SVOPL: variants seen among roughly 807,000 people sequenced by gnomAD.
SVOPL encodes the protein putative transporter SVOPL.
Under a neutral mutation model 61.0 loss-of-function variants are expected in SVOPL, and 60 were observed. The observed-to-expected ratio is 0.98, with a 90% CI of 0.80 to 1.22. The LOEUF is 1.22. Ranked by LOEUF, SVOPL falls within the 50% of genes most tolerant of loss-of-function variation. The pLI, the probability that SVOPL is intolerant of heterozygous loss-of-function variation, is 0.00. For missense variants in SVOPL, 662 were observed against 643.9 expected (o/e 1.03, Z -0.30); for synonymous variants, 279 against 250.0 (o/e 1.12, Z -1.09).
chr7:138,643,996 G>A lies in SVOPL; in HGVS notation c.789+721C>T, dbSNP rs140887250. ...AGGCAGGTGGATCACGAGGTCAAGAGATCAAGACCATCCTGGCCAACATGG... is the reference window on the plus strand; with the variant it reads ...AGGCAGGTGGATCACGAGGTCAAGAAATCAAGACCATCCTGGCCAACATGG... On this transcript the variant is annotated intron_variant, in intron 9 of 15. Transcript: ENST00000674285. Among the ~76,000 whole-genome samples the A allele has an allele frequency of 9.9e-3, 1,509 of 152,002 alleles. 24 individuals carry two copies. The highest frequency in any genetic ancestry group is 0.035 in the African/African-American group (1,455 of 41,466).
At chr7:138,640,356 C>T (rs1236438826) in intron 9 of SVOPL, among the ~76,000 whole-genome samples, 2 of 151,974 alleles carry the variant, frequency 1.3e-5, no homozygotes, top group Non-Finnish European at 2.9e-5. Flanking sequence ...CTCAGCCTCC[C>T]GAGTAGCTGG....
chr7:138,648,921 C>T lies in SVOPL; in HGVS notation c.660+91G>A, dbSNP rs1320184881. 10 of 1,569,616 alleles carry T rather than the reference C, an allele frequency of 6.4e-6. No individual in the cohort carries two copies. In the Admixed American group the frequency reaches 9.1e-5, roughly 14 times the overall value. On this transcript the variant is annotated intron_variant, in intron 8 of 15. Coordinates refer to ENST00000674285, the MANE Select transcript of SVOPL (RefSeq NM_001139456.2). Reference sequence around the variant, plus strand: ...TGGACAACAAAGAGAGACTCTGTCTCGAGGGGGAAAATAAAAGATATTTGT... The same window carrying T: ...TGGACAACAAAGAGAGACTCTGTCTTGAGGGGGAAAATAAAAGATATTTGT...
intron 7 of SVOPL, among the ~76,000 whole-genome samples, chr7:138,650,997 C>T (rs1386832307): frequency 6.6e-6 from 1 of 150,598 alleles, no homozygotes; most frequent in Non-Finnish European, 1.5e-5. Context: ...CTAGACTGAC[C>T]TGTCTTCTGG....
intron 9 of SVOPL, among the ~76,000 whole-genome samples, chr7:138,634,635 G>A (rs759386588): frequency 7.3e-5 from 11 of 151,712 alleles, no homozygotes; most frequent in Admixed American, 1.3e-4. Context: ...ATGACAGAAC[G>A]AGACCCTGTC....
chr7:138,668,355 A>G (rs888053142), intron 4 of SVOPL, among the ~76,000 whole-genome samples: 2 of 152,070 alleles, frequency 1.3e-5, no homozygotes, highest in African/African-American at 2.4e-5. Flanking sequence ...CTCCTTCTCT[A>G]TTGCAATTCC....
chr7:138,655,569 A>ACG (rs1393067014), intron 7 of SVOPL, among the ~76,000 whole-genome samples: 3 of 147,732 alleles, frequency 2.0e-5, no homozygotes, highest in African/African-American at 2.6e-5. Context: ...AGCTACACAC[A>ACG]CGCACACACA....
intron 6 of SVOPL, among the ~76,000 whole-genome samples, chr7:138,659,151 G>C (rs1801885728): frequency 6.6e-6 from 1 of 152,068 alleles, no homozygotes; most frequent in Non-Finnish European, 1.5e-5. Flanking sequence ...GTCTTAACCT[G>C]GACATTCTTT....
chr7:138,637,949 C>G (rs998747607), intron 9 of SVOPL, among the ~76,000 whole-genome samples: 2 of 151,868 alleles, frequency 1.3e-5, no homozygotes, highest in African/African-American at 4.8e-5. Flanking sequence ...GAGCCTCCAT[C>G]TCAAAAAATA....
At chr7:138,612,429 T>TAAAAA (rs1799084478) in intron 14 of SVOPL, among the ~76,000 whole-genome samples, 5 of 78,142 alleles carry the variant, frequency 6.4e-5, no homozygotes, top group Non-Finnish European at 1.3e-4. Context: ...AAAAATAAAA[T>TAAAAA]AAAAAATAAA....
intron 9 of SVOPL, among the ~76,000 whole-genome samples, chr7:138,640,414 A>G (rs940136455): frequency 6.6e-6 from 1 of 151,906 alleles, no homozygotes; most frequent in Non-Finnish European, 1.5e-5. Flanking sequence ...TATTTTTACT[A>G]GAGTCAGGGT....
chr7:138,648,651 T>C (rs1801256785), intron 8 of SVOPL, among the ~76,000 whole-genome samples: 1 of 150,744 alleles, frequency 6.6e-6, no homozygotes, highest in African/African-American at 2.4e-5. Context: ...GAGCTTGCAG[T>C]GAGCCGAGGT....
intron 9 of SVOPL, among the ~76,000 whole-genome samples, chr7:138,643,060 T>C (rs1048970753): frequency 6.6e-6 from 1 of 151,958 alleles, no homozygotes; most frequent in South Asian, 2.1e-4. Flanking sequence ...TGGTGATTCC[T>C]CAAAAAAATT....
chr7:138,684,280 A>C (rs1006264625), intron 1 of SVOPL, among the ~76,000 whole-genome samples: 1 of 150,880 alleles, frequency 6.6e-6, no homozygotes, highest in African/African-American at 2.4e-5. Flanking sequence ...CGGGAGAATC[A>C]CTTGAACCTG....
chr7:138,597,996 C>T lies in SVOPL; in HGVS notation c.1354-1466G>A, dbSNP rs532629538. Among the ~76,000 whole-genome samples, 38 of 152,242 alleles carry T rather than the reference C, an allele frequency of 2.5e-4. 1 individual carries two copies. Among genetic ancestry groups the T allele is most frequent in the Admixed American group, 2.0e-3 (30 of 15,290 alleles). The stretch of plus-strand genomic sequence containing the variant: ...AGGCTTTTTGCCTTCCCTGAAGCTT[C>T]GTAACAAGACTCCACAATCCAGTAG... On this transcript the variant is annotated intron_variant, in intron 14 of 15. Coordinates refer to ENST00000674285, the MANE Select transcript of SVOPL (RefSeq NM_001139456.2).
At chr7:138,677,132 C>T (rs1398540665) in intron 3 of SVOPL, among the ~76,000 whole-genome samples, 2 of 152,144 alleles carry the variant, frequency 1.3e-5, no homozygotes, top group African/African-American at 2.4e-5. Flanking sequence ...TCTCGATATC[C>T]TGACCTCGTG....
chr7:138,687,854 T>G (rs1202140126), intron 1 of SVOPL, among the ~76,000 whole-genome samples: 1 of 151,654 alleles, frequency 6.6e-6, no homozygotes, highest in African/African-American at 2.4e-5. Flanking sequence ...CAGGCTGGAG[T>G]GCAGTGGCAT....
chr7:138,688,451 T>TAG (rs2117136337), intron 1 of SVOPL, among the ~76,000 whole-genome samples: 1 of 152,102 alleles, frequency 6.6e-6, no homozygotes, highest in Non-Finnish European at 1.5e-5. Context: ...ATACTTTTAA[T>TAG]AGAGACAGGG....
intron 1 of SVOPL, among the ~76,000 whole-genome samples, chr7:138,688,422 A>C (rs1802868950): frequency 6.6e-6 from 1 of 151,978 alleles, no homozygotes; most frequent in Non-Finnish European, 1.5e-5. Flanking sequence ...GGCATGCACC[A>C]CCACACTCGG....
intron 6 of SVOPL, 99 bp downstream of exon 6, chr7:138,659,765 G>C: frequency 8.6e-7 from 1 of 1,166,870 alleles, no homozygotes; most frequent in South Asian, 1.5e-5. Context: ...AGATATGTTG[G>C]GTTCACAATG....
Sources: gnomAD v4.1 joint callset for allele counts (sites outside exome capture counted in the v4.1 genomes callset) on GRCh38, gnomAD v4.1.1 for gene constraint, MANE v1.5 for transcripts, NCBI Gene and HGNC (gene_info 2026-07-23, HGNC 2026-07-21) for gene names.